The following OPRM1 variants were observed in gnomAD, a reference collection of about 807,000 sequenced individuals.
The protein encoded by OPRM1 is opioid receptor mu 1.
A neutral mutation model predicts 31.8 loss-of-function variants in OPRM1; 27 were observed. The ratio of observed to expected loss-of-function variants is 0.85; its 90% CI spans 0.63 to 1.17. The LOEUF is 1.17. OPRM1 is among the 50% of genes most tolerant of loss of function. OPRM1 has a pLI of 0.00. For synonymous variants in OPRM1, 196 were observed against 189.9 expected, an observed-to-expected ratio of 1.03 and a Z score of -0.26; for missense variants, 536 against 511.1, an observed-to-expected ratio of 1.05 and a Z score of -0.47.
intron 1 of OPRM1, among the ~76,000 whole-genome samples, chr6:154,024,583 T>C (rs1327835088): frequency 6.6e-6 from 1 of 151,946 alleles, no homozygotes; most frequent in Non-Finnish European, 1.5e-5. Flanking sequence ...TTCTACTAAT[T>C]TTATCTTCAG....
At chr6:154,059,617 C>A (rs1448718653) in intron 1 of OPRM1, among the ~76,000 whole-genome samples, 1 of 152,180 alleles carries the variant, frequency 6.6e-6, no homozygotes, top group Non-Finnish European at 1.5e-5. Context: ...AGAATGCAAG[C>A]TCCTTGAGGA....
intron 3 of OPRM1, among the ~76,000 whole-genome samples, chr6:154,099,868 T>C (rs986457989): frequency 6.8e-6 from 1 of 146,102 alleles, no homozygotes; most frequent in Non-Finnish European, 1.5e-5. Context: ...TATATTATCA[T>C]ATGATATATA....
chr6:154,097,944 T>TGA (rs1291732098), intron 3 of OPRM1, among the ~76,000 whole-genome samples: 1 of 152,160 alleles, frequency 6.6e-6, no homozygotes, highest in African/African-American at 2.4e-5. Flanking sequence ...ATGTAGTGGC[T>TGA]GAGGGTTGGG....
chr6:154,110,621 GCTCAAGC>G (rs1796237112), intron 3 of OPRM1, among the ~76,000 whole-genome samples: 1 of 152,060 alleles, frequency 6.6e-6, no homozygotes, highest in Non-Finnish European at 1.5e-5. Flanking sequence ...GGGCACGGTG[GCTCAAGC>G]CTGTAATCCC....
intron 3 of OPRM1, among the ~76,000 whole-genome samples, chr6:154,215,751 A>C (rs1462077726): frequency 6.6e-6 from 1 of 152,334 alleles, no homozygotes; most frequent in South Asian, 2.1e-4. Context: ...AATTGGACCA[A>C]TGAAGAGCCC....
At chr6:154,207,180 G>A (rs2128599884) in intron 3 of OPRM1, among the ~76,000 whole-genome samples, 1 of 152,348 alleles carries the variant, frequency 6.6e-6, no homozygotes, top group South Asian at 2.1e-4. Context: ...GAGGCTGGGG[G>A]AGAGCCACCG....
chr6:154,183,873 A>G (rs564176834), intron 3 of OPRM1, among the ~76,000 whole-genome samples: 1 of 152,202 alleles, frequency 6.6e-6, no homozygotes, highest in African/African-American at 2.4e-5. Flanking sequence ...CTGGGTAACA[A>G]AATAAGACCC....
chr6:154,171,557 T>C (rs1325425542), intron 3 of OPRM1, among the ~76,000 whole-genome samples: 2 of 152,222 alleles, frequency 1.3e-5, no homozygotes, highest in Non-Finnish European at 2.9e-5. Flanking sequence ...TGATGACAGC[T>C]GCACAATTCC....
chr6:154,135,912 A>G (rs1185194857), downstream of OPRM1, among the ~76,000 whole-genome samples: 1 of 152,230 alleles, frequency 6.6e-6, no homozygotes, highest in Non-Finnish European at 1.5e-5. Context: ...AATTGAAAGC[A>G]TTTCATATTT....
chr6:154,069,066 A>C (rs1786078978), intron 1 of OPRM1, among the ~76,000 whole-genome samples: 1 of 151,942 alleles, frequency 6.6e-6, no homozygotes, highest in Non-Finnish European at 1.5e-5. Context: ...CTTTCTTGCT[A>C]TTGGTTTGTA....
rs550430591 is a variant in OPRM1 at position 154,060,589 on chromosome 6, T to A, written c.290+20755T>A. 2.6e-5 allele frequency among the ~76,000 whole-genome samples: 4 copies of A among 152,200 alleles called. No homozygotes were observed. In the South Asian group the frequency reaches 8.3e-4, roughly 32 times the overall value. ...CTGCGGAGACTTCCAGTAAATGAGA[T>A]TTTTGCTTATTGTATCAATATGATA... is the stretch of plus-strand genomic sequence containing the variant. On this transcript the variant is annotated intron_variant, in intron 1 of 3. Coordinates refer to ENST00000330432, the MANE Select transcript of OPRM1 (RefSeq NM_000914.5).
At chr6:154,195,750 G>C (rs1424870798) in intron 3 of OPRM1, among the ~76,000 whole-genome samples, 1 of 151,156 alleles carries the variant, frequency 6.6e-6, no homozygotes, top group Non-Finnish European at 1.5e-5. Context: ...CAGCCCATTA[G>C]GTGTTAACAT....
intron 1 of OPRM1, among the ~76,000 whole-genome samples, chr6:154,024,729 T>A (rs921669944): frequency 5.3e-5 from 8 of 151,884 alleles, no homozygotes; most frequent in Non-Finnish European, 7.4e-5. Flanking sequence ...CAGGTTTTGG[T>A]ATGTTGTGTT....
At position 154,127,969 on chromosome 6, in the gene OPRM1, G is replaced by A. The variant is rs1436610676; in HGVS notation, c.*9248G>A. Among the ~76,000 whole-genome samples the A allele has an allele frequency of 3.3e-5, 5 of 152,090 alleles. No homozygotes were observed. Among genetic ancestry groups the A allele is most frequent in the African/African-American group, 1.2e-4 (5 of 41,420 alleles). ...ACTCATTTGCTTTATGGAAATTCAT[G>A]GCCCTTATTTCTCAAGGGACCAGAG... On this transcript the variant is annotated 3_prime_UTR_variant, in exon 4 of 4. Transcript: ENST00000330432.
intron 1 of OPRM1, among the ~76,000 whole-genome samples, chr6:154,031,090 T>G (rs1487902986): frequency 2.0e-5 from 3 of 152,204 alleles, no homozygotes; most frequent in Non-Finnish European, 4.4e-5. Context: ...ATTAAAAAAA[T>G]AAAATTTTCT....
chr6:154,089,702 A>T, intron 1 of OPRM1, 124 bp from the exon 2 acceptor site: 1 of 659,020 alleles, frequency 1.5e-6, no homozygotes, highest in Non-Finnish European at 2.6e-6. Context: ...ATACTGGAAA[A>T]CAATTCTATA....
chr6:154,133,663 A>C (rs1797985924), downstream of OPRM1, among the ~76,000 whole-genome samples: 1 of 152,156 alleles, frequency 6.6e-6, no homozygotes, highest in East Asian at 1.9e-4. Flanking sequence ...TCTCAAGTTC[A>C]TTGTCATGTA....
chr6:154,114,894 A>AAAC lies in OPRM1; in HGVS notation c.1165-3788_1165-3786dup, dbSNP rs538087620. The stretch of plus-strand genomic sequence containing the variant: ...TTCTAATTAAAAAAAAAAAAACAAA[A>AAAC]AACTTGAAGAGAACCAAAGCCAAGT... On this transcript the variant is annotated intron_variant, in intron 3 of 3. Transcript: ENST00000330432. 3.2e-3 allele frequency among the ~76,000 whole-genome samples: 494 copies of AAAC among 152,184 alleles called. 1 individual carries two copies. The highest frequency in any genetic ancestry group is 5.8e-3 in the Non-Finnish European group (397 of 67,990).
At chr6:154,091,735 C>A (rs1474005521) in intron 3 of OPRM1, 1 of 1,203,038 alleles carries the variant, frequency 8.3e-7, no homozygotes. Context: ...ATGGCCTTTA[C>A]TTCTATGCAA....
Sources: gnomAD v4.1 joint callset for allele counts (sites outside exome capture counted in the v4.1 genomes callset) on GRCh38, gnomAD v4.1.1 for gene constraint, MANE v1.5 for transcripts, NCBI Gene and HGNC (gene_info 2026-07-23, HGNC 2026-07-21) for gene names.